Variants in SORCS3 observed in about 807,000 individuals in gnomAD.
SORCS3 encodes sortilin related VPS10 domain containing receptor 3.
A neutral mutation model predicts 146.3 loss-of-function variants in SORCS3; 57 were observed. The observed-to-expected ratio is 0.39, with a 90% confidence interval of 0.31 to 0.49. The LOEUF is 0.49. SORCS3 is among the 20% of genes least tolerant of loss of function. The pLI is 0.92. For missense variants in SORCS3, 1,341 were observed against 1,575.5 expected, an observed-to-expected ratio of 0.85 and a Z score of 2.52; for synonymous variants, 653 against 618.5, an observed-to-expected ratio of 1.06 and a Z score of -0.83.
At chr10:104,751,876 A>G (rs1489267911) in intron 1 of SORCS3, among the ~76,000 whole-genome samples, 2 of 137,234 alleles carry the variant, frequency 1.5e-5, no homozygotes, top group Admixed American at 8.0e-5. Flanking sequence ...TTTTTATTCA[A>G]TTAAGTTCTT....
At position 104,953,022 on chromosome 10, in the gene SORCS3, T is replaced by A. The variant is rs2019449754; in HGVS notation, c.796-24313T>A. On this transcript the variant is annotated intron_variant, in intron 3 of 26. Coordinates refer to ENST00000369701, the MANE Select transcript of SORCS3 (RefSeq NM_014978.3). ...CTCTTCAGAGGAAAAGACACGCACC[T>A]TCTGGGGCTTATTGTGTAGTGAAGT... Among the ~76,000 whole-genome samples, 2 of 152,186 alleles carry A rather than the reference T, an allele frequency of 1.3e-5. 1 individual carries two copies. The highest frequency in any genetic ancestry group is 4.1e-4 in the South Asian group (2 of 4,828).
chr10:104,680,941 C>T (rs955073868), intron 1 of SORCS3, among the ~76,000 whole-genome samples: 2 of 152,184 alleles, frequency 1.3e-5, no homozygotes, highest in Admixed American at 1.3e-4. Flanking sequence ...AGCAGGAGGC[C>T]AGGCAGGCCC....
chr10:104,836,904 T>G (rs1564694813), intron 1 of SORCS3, among the ~76,000 whole-genome samples: 1 of 152,102 alleles, frequency 6.6e-6, no homozygotes, highest in South Asian at 2.1e-4. Context: ...AAAAAAGAAA[T>G]AAAGCAGACA....
intron 2 of SORCS3, among the ~76,000 whole-genome samples, chr10:104,843,175 G>C (rs1472732530): frequency 6.6e-6 from 1 of 152,146 alleles, no homozygotes; most frequent in Non-Finnish European, 1.5e-5. Context: ...AGAGGTTCTT[G>C]ATTAGGAAGC....
At chr10:105,239,836 C>T (rs2056812958) in intron 20 of SORCS3, among the ~76,000 whole-genome samples, 1 of 152,216 alleles carries the variant, frequency 6.6e-6, no homozygotes, top group East Asian at 1.9e-4. Flanking sequence ...CACCAGATAT[C>T]AGTGGCTGAT....
intron 2 of SORCS3, among the ~76,000 whole-genome samples, chr10:104,890,943 A>C (rs966413999): frequency 2.0e-5 from 3 of 152,186 alleles, no homozygotes; most frequent in Non-Finnish European, 4.4e-5. Flanking sequence ...TGTGTTGTAG[A>C]TATCTGCTTC....
At chr10:104,777,465 A>G (rs2017323072) in intron 1 of SORCS3, among the ~76,000 whole-genome samples, 1 of 152,158 alleles carries the variant, frequency 6.6e-6, no homozygotes, top group Non-Finnish European at 1.5e-5. Context: ...AAAGACTGGG[A>G]CTGCAGCAGG....
chr10:104,707,690 A>T (rs1407038356), intron 1 of SORCS3, among the ~76,000 whole-genome samples: 1 of 152,210 alleles, frequency 6.6e-6, no homozygotes, highest in African/African-American at 2.4e-5. Context: ...TACCCTGGGC[A>T]GTTTGTTTCA....
intron 7 of SORCS3, among the ~76,000 whole-genome samples, chr10:105,129,265 C>A (rs2055998276): frequency 6.6e-6 from 1 of 151,000 alleles, no homozygotes; most frequent in African/African-American, 2.4e-5. Context: ...TAAGCTAGAT[C>A]TCTTGCAATA....
chr10:104,977,988 C>T (rs1164691595), intron 4 of SORCS3, among the ~76,000 whole-genome samples: 1 of 152,014 alleles, frequency 6.6e-6, no homozygotes, highest in Admixed American at 6.6e-5. Flanking sequence ...CCTCGGCCTC[C>T]CAAAGTGCTG....
chr10:105,173,177 TG>T (rs1317943235), intron 13 of SORCS3, among the ~76,000 whole-genome samples: 1 of 152,096 alleles, frequency 6.6e-6, no homozygotes, highest in Non-Finnish European at 1.5e-5. Context: ...CTGGGTGTGG[TG>T]GTAAGCGCCT....
chr10:104,958,547 A>G (rs2054769731), intron 3 of SORCS3, among the ~76,000 whole-genome samples: 1 of 152,146 alleles, frequency 6.6e-6, no homozygotes. Context: ...AGGAAGAAGA[A>G]CCAGAGTGAT....
chr10:104,872,599 T>A (rs2018530317), intron 2 of SORCS3, among the ~76,000 whole-genome samples: 1 of 140,976 alleles, frequency 7.1e-6, no homozygotes, highest in Admixed American at 7.5e-5. Flanking sequence ...TCCCAAGAAT[T>A]CTGATGTAGT....
At chr10:105,175,106 G>A (rs898526683) in intron 13 of SORCS3, among the ~76,000 whole-genome samples, 2 of 152,168 alleles carry the variant, frequency 1.3e-5, no homozygotes, top group Non-Finnish European at 2.9e-5. Flanking sequence ...GGAGTGCAAT[G>A]GCACAATCTC....
intron 1 of SORCS3, among the ~76,000 whole-genome samples, chr10:104,661,214 C>T (rs1014339158): frequency 6.6e-6 from 1 of 152,122 alleles, no homozygotes; most frequent in Non-Finnish European, 1.5e-5. Context: ...CCGTCTCTAA[C>T]CATTTTCTCT....
chr10:104,846,839 G>C (rs1292001593), intron 2 of SORCS3, among the ~76,000 whole-genome samples: 1 of 152,096 alleles, frequency 6.6e-6, no homozygotes, highest in East Asian at 1.9e-4. Flanking sequence ...GTTGGGGACT[G>C]ACTTGTTTAA....
chr10:104,976,082 C>T (rs2054895594), intron 3 of SORCS3, among the ~76,000 whole-genome samples: 1 of 152,184 alleles, frequency 6.6e-6, no homozygotes, highest in African/African-American at 2.4e-5. Context: ...AACTAAAGAG[C>T]TTCTGCACAG....
chr10:104,749,414 GTCT>G (rs944280962), intron 1 of SORCS3, among the ~76,000 whole-genome samples: 8 of 151,982 alleles, frequency 5.3e-5, no homozygotes, highest in African/African-American at 1.7e-4. Context: ...AAATCTTTAT[GTCT>G]TCTTCATATT....
In SORCS3 at chr10:104,909,895, C is replaced by T. The variant is rs138374300; in HGVS notation, c.696-5938C>T. ...ACTTGCTGGGTAGGTAAAAAGCATA[C>T]GATAACTCACACCTCCACTCCTGAC... is the stretch of plus-strand genomic sequence containing the variant. On this transcript the variant is annotated intron_variant, in intron 2 of 26. Coordinates refer to ENST00000369701, the MANE Select transcript of SORCS3 (RefSeq NM_014978.3). 7.2e-3 allele frequency among the ~76,000 whole-genome samples: 1,091 copies of T among 151,310 alleles called. 12 individuals carry two copies. Among genetic ancestry groups the T allele is most frequent in the African/African-American group, 0.026 (1,050 of 41,160 alleles).
Sources: gnomAD v4.1 joint callset for allele counts (sites outside exome capture counted in the v4.1 genomes callset) on GRCh38, gnomAD v4.1.1 for gene constraint, MANE v1.5 for transcripts, NCBI Gene and HGNC (gene_info 2026-07-23, HGNC 2026-07-21) for gene names.